The following NFIB variants were observed in gnomAD, a reference collection of about 807,000 sequenced individuals.
NFIB encodes nuclear factor 1 B-type.
Under a neutral mutation model 61.5 loss-of-function variants are expected in NFIB, and 11 were observed. That is an observed-to-expected ratio of 0.18 (90% CI 0.11 to 0.30). The LOEUF (loss-of-function observed/expected upper bound fraction) is 0.30. Among genes scored for constraint, NFIB ranks in the 10% least tolerant of loss-of-function variants. NFIB has a pLI of 1.00. For synonymous variants in NFIB, 260 were observed against 216.5 expected (o/e 1.20, Z -1.76); for missense variants, 471 against 608.9 (o/e 0.77, Z 2.38).
At chr9:14,199,579 C>T (rs1052958908) in intron 2 of NFIB, among the ~76,000 whole-genome samples, 1 of 152,150 alleles carries the variant, frequency 6.6e-6, no homozygotes, top group African/African-American at 2.4e-5. Context: ...AAAAACAAAA[C>T]AGCAAAAAAA....
chr9:14,430,356 G>A, the NFIB span, among the ~76,000 whole-genome samples: 21 of 144,012 alleles, frequency 1.5e-4, no homozygotes, highest in African/African-American at 5.1e-4. Context: ...TGACTCTGAG[G>A]AAGAAAAGAA....
intron 1 of NFIB, among the ~76,000 whole-genome samples, chr9:14,390,877 T>A (rs970369669): frequency 6.6e-6 from 1 of 152,210 alleles, no homozygotes; most frequent in Non-Finnish European, 1.5e-5. Flanking sequence ...AGCCACCTAG[T>A]CTATGGTATT....
At chr9:14,389,312 C>T (rs1290794269) in intron 1 of NFIB, among the ~76,000 whole-genome samples, 2 of 152,064 alleles carry the variant, frequency 1.3e-5, no homozygotes, top group African/African-American at 4.8e-5. Flanking sequence ...TTCATCCCTC[C>T]CCCTTTCTCC....
rs186908673 is a variant in NFIB at position 14,086,268 on chromosome 9, A to T, written c.*2041T>A. The T allele has an allele frequency of 7.5e-4, 162 of 216,918 alleles. 1 individual carries two copies. Among genetic ancestry groups the T allele is most frequent in the African/African-American group, 1.4e-3 (62 of 44,464 alleles). 13.4% of individuals were successfully genotyped at this position (216,918 alleles called of 1,614,324 possible). On this transcript the variant is annotated 3_prime_UTR_variant, in exon 11 of 11. Coordinates refer to ENST00000380953, the MANE Select transcript of NFIB (RefSeq NM_001190737.2). The stretch of plus-strand genomic sequence containing the variant: ...CCCAGAATATATATATATGTATATT[A>T]AAAAAAATCCCCTGTCCATCTCTCA...
intron 10 of NFIB, among the ~76,000 whole-genome samples, chr9:14,105,418 A>C (rs1045898376): frequency 4.6e-5 from 7 of 152,210 alleles, no homozygotes; most frequent in African/African-American, 1.7e-4. Context: ...AAACTAATTT[A>C]TCTGTTTAGA....
intron 10 of NFIB, among the ~76,000 whole-genome samples, chr9:14,103,924 CT>C (rs539799484): frequency 0.018 from 2,534 of 144,436 alleles, 47 homozygotes; most frequent in African/African-American, 0.055. Flanking sequence ...AATAAATATT[CT>C]TTTTTTTTTT....
At chr9:14,213,240 C>T (rs1052203800) in intron 2 of NFIB, among the ~76,000 whole-genome samples, 1 of 152,174 alleles carries the variant, frequency 6.6e-6, no homozygotes, top group Non-Finnish European at 1.5e-5. Context: ...TACCATCCAC[C>T]AGTAGGTTGA....
rs1277808736 is a variant in NFIB, at chr9:14,088,303, A to G, written c.*6T>C. 6.2e-7 allele frequency: 1 copy of G among 1,600,192 alleles called. No individual in the cohort carries two copies. On this transcript the variant is annotated 3_prime_UTR_variant, in exon 11 of 11. Coordinates refer to ENST00000380953, the MANE Select transcript of NFIB (RefSeq NM_001190737.2). ...TGTCCTATTTGACACTTGGAAAGGA[A>G]CCAAGCTAGCCCAGGTACCAGGACT...
In NFIB at chr9:14,345,066, C is replaced by T. The variant is rs569383376; in HGVS notation, c.109-37546G>A. ...AGGGGTTCTGGGAGTCCGTCTTGGG[C>T]CACTCTCCTGAGCTCGGCCTCCCTG... On this transcript the variant is annotated intron_variant, in intron 1 of 8. Coordinates refer to the NFIB transcript ENST00000380934. Among the ~76,000 whole-genome samples the T allele has an allele frequency of 4.2e-4, 64 of 152,244 alleles. 2 individuals are homozygous for T. In the South Asian group the frequency reaches 0.011, roughly 27 times the overall value.
the NFIB span, among the ~76,000 whole-genome samples, chr9:14,464,671 G>A: frequency 6.6e-6 from 1 of 152,054 alleles, no homozygotes; most frequent in African/African-American, 2.4e-5. Context: ...AGGAGGTGGG[G>A]TGCTTGGCCG....
the NFIB span, among the ~76,000 whole-genome samples, chr9:14,406,844 G>C: frequency 2.0e-5 from 3 of 152,198 alleles, no homozygotes; most frequent in Non-Finnish European, 4.4e-5. Context: ...TTGTGGTCTT[G>C]TCAGTTTGAC....
At chr9:14,499,825 G>C in the NFIB span, among the ~76,000 whole-genome samples, 1 of 152,152 alleles carries the variant, frequency 6.6e-6, no homozygotes, top group Non-Finnish European at 1.5e-5. Context: ...CTTAATCAGA[G>C]AGCTATACAG....
At chr9:14,338,757 T>C (rs1373237976) in intron 1 of NFIB, among the ~76,000 whole-genome samples, 2 of 152,136 alleles carry the variant, frequency 1.3e-5, no homozygotes, top group Non-Finnish European at 2.9e-5. Flanking sequence ...TCCCTCATTC[T>C]TGTTTCTTTC....
At chr9:14,506,562 T>G in the NFIB span, among the ~76,000 whole-genome samples, 1 of 152,110 alleles carries the variant, frequency 6.6e-6, no homozygotes, top group Non-Finnish European at 1.5e-5. Flanking sequence ...GAGGGATTAT[T>G]TTTGGAGGAG....
chr9:14,167,807 C>T (rs2045059883), intron 3 of NFIB, among the ~76,000 whole-genome samples: 1 of 152,134 alleles, frequency 6.6e-6, no homozygotes, highest in South Asian at 2.1e-4. Flanking sequence ...CCAGGTTCCT[C>T]ATTCATGGTC....
the NFIB span, among the ~76,000 whole-genome samples, chr9:14,410,226 A>C: frequency 1.3e-5 from 2 of 152,160 alleles, no homozygotes; most frequent in Non-Finnish European, 2.9e-5. Context: ...TTCCAAAAAA[A>C]ATCATTTTCC....
chr9:14,204,443 C>A, intron 2 of NFIB: 1 of 1,095,466 alleles, frequency 9.1e-7, no homozygotes, highest in Non-Finnish European at 1.4e-6. Flanking sequence ...GTTGCAGCGG[C>A]AGAGAGTCAT....
the NFIB span, among the ~76,000 whole-genome samples, chr9:14,477,839 C>G: frequency 6.6e-6 from 1 of 152,176 alleles, no homozygotes; most frequent in African/African-American, 2.4e-5. Context: ...TATCTAGATT[C>G]GTTAATCTAG....
intron 1 of NFIB, among the ~76,000 whole-genome samples, chr9:14,320,870 C>T (rs959219483): frequency 1.1e-4 from 17 of 152,192 alleles, no homozygotes; most frequent in Admixed American, 2.0e-4. Flanking sequence ...CTATAAGATC[C>T]GTTCAAAGAA....
Sources: allele counts gnomAD v4.1 joint callset (sites outside exome capture counted in the v4.1 genomes callset), GRCh38; gene constraint gnomAD v4.1.1; transcripts MANE v1.5; gene names NCBI Gene and HGNC (gene_info 2026-07-23, HGNC 2026-07-21).